Variants in GALNT15 observed in about 807,000 individuals in gnomAD.
GALNT15 encodes the protein polypeptide N-acetylgalactosaminyltransferase 15.
GALNT15 carries 67 observed loss-of-function variants against 66.8 expected under a neutral mutation model. That is an observed-to-expected ratio of 1.00 (90% confidence interval 0.82 to 1.23). The LOEUF (loss-of-function observed/expected upper bound fraction) is 1.23. Ranked by LOEUF, GALNT15 falls within the 50% of genes most tolerant of loss-of-function variation. GALNT15 has a pLI of 0.00. For missense variants in GALNT15, 827 were observed against 804.3 expected, an observed-to-expected ratio of 1.03 and a Z score of -0.34; for synonymous variants, 313 against 311.5, an observed-to-expected ratio of 1.00 and a Z score of -0.05.
At position 16,229,550 on chromosome 3, in the gene GALNT15, C is replaced by A. The variant is rs953918462; in HGVS notation, c.*2050C>A. ...GCTTCAGACCCATCTATATTTAAAA[C>A]AAATTTCCCTAAATCCTGAGACTGA... On this transcript the variant is annotated 3_prime_UTR_variant, in exon 10 of 10. Coordinates refer to ENST00000339732, the MANE Select transcript of GALNT15 (RefSeq NM_054110.5). The A allele has an allele frequency of 3.4e-5, 33 of 984,844 alleles. No homozygotes were observed. Among genetic ancestry groups the A allele is most frequent in the Non-Finnish European group, 3.9e-5 (32 of 829,534 alleles). 61.0% of individuals were successfully genotyped at this position (984,844 alleles called of 1,614,324 possible).
intron 1 of GALNT15, among the ~76,000 whole-genome samples, chr3:16,195,000 A>G (rs774670027): frequency 3.9e-5 from 6 of 152,228 alleles, no homozygotes; most frequent in Non-Finnish European, 7.3e-5. Flanking sequence ...ATTTTAAAAA[A>G]TAGTAAGTGC....
Position 16,183,628 on chromosome 3 carries a change from C to T in GALNT15, c.539+7938C>T, listed in dbSNP as rs35978169. 0.17 allele frequency among the ~76,000 whole-genome samples: 25,745 copies of T among 152,202 alleles called. 2,370 individuals carry two copies. Among genetic ancestry groups the T allele is most frequent in the East Asian group, 0.27 (1,394 of 5,168 alleles). On this transcript the variant is annotated intron_variant, in intron 1 of 9. Coordinates refer to ENST00000339732, the MANE Select transcript of GALNT15 (RefSeq NM_054110.5). The surrounding 1 kb of genome is among the most constrained non-coding windows in gnomAD (Gnocchi z 5.2). ...CTTGGGGTGCACTGGGGGATGCAGA[C>T]AAGCAAACAGGCTGGTACATCAGTG...
At chr3:16,185,807 A>C (rs1469115190) in intron 1 of GALNT15, among the ~76,000 whole-genome samples, 1 of 152,158 alleles carries the variant, frequency 6.6e-6, no homozygotes, top group African/African-American at 2.4e-5. Context: ...GATTATAGCA[A>C]TATACTATCA....
At chr3:16,243,459 T>A in the GALNT15 span, among the ~76,000 whole-genome samples, 1 of 152,214 alleles carries the variant, frequency 6.6e-6, no homozygotes, top group Non-Finnish European at 1.5e-5. Flanking sequence ...AGCACCTCCT[T>A]CCTGTGCAGA....
intron 2 of GALNT15, among the ~76,000 whole-genome samples, chr3:16,197,874 C>G (rs1574978680): frequency 6.6e-6 from 1 of 152,210 alleles, no homozygotes; most frequent in African/African-American, 2.4e-5. Context: ...CTTCAAAACC[C>G]TCTGAGAATG....
At chr3:16,215,882 C>G (rs2063865746) in intron 6 of GALNT15, among the ~76,000 whole-genome samples, 1 of 142,426 alleles carries the variant, frequency 7.0e-6, no homozygotes, top group Admixed American at 7.3e-5. Context: ...TGCACTCCAG[C>G]CTGGCAACAG....
chr3:16,232,693 C>T (rs551071542), downstream of GALNT15, among the ~76,000 whole-genome samples: 87 of 150,824 alleles, frequency 5.8e-4, no homozygotes, highest in African/African-American at 2.0e-3. Flanking sequence ...GTATTTGATC[C>T]GCTGGCTCCA....
intron 9 of GALNT15, among the ~76,000 whole-genome samples, chr3:16,223,189 C>T (rs775043394): frequency 2.6e-5 from 4 of 152,070 alleles, no homozygotes; most frequent in Non-Finnish European, 5.9e-5. Flanking sequence ...ATATAGATAT[C>T]ACTTTCTTCC....
At chr3:16,214,317 G>A (rs2063850133) in intron 6 of GALNT15, among the ~76,000 whole-genome samples, 1 of 152,200 alleles carries the variant, frequency 6.6e-6, no homozygotes, top group South Asian at 2.1e-4. Flanking sequence ...TAGTCTGATG[G>A]TTAAGCCCAT....
intron 1 of GALNT15, among the ~76,000 whole-genome samples, chr3:16,192,169 A>G (rs115760646): frequency 6.6e-6 from 1 of 152,152 alleles, no homozygotes; most frequent in African/African-American, 2.4e-5. Context: ...AGTTCTTTTG[A>G]CCATCTTACT....
In GALNT15 at chr3:16,222,756, G is replaced by T. The variant is rs1559694157; in HGVS notation, c.1771G>T (p.Glu591Ter). ...CCACCAGCAGCACTGGGACTTCCAG[G>T]AGGTGAGTAATCTGTTCAGGAAGAG... is the stretch of plus-strand genomic sequence containing the variant. ...AIHQQHWDFQ[E>*]NGMIVHILSG... Residue 591 changes from glutamate (E) to a stop codon, truncating the protein, a stop_gained and splice_region_variant, in exon 9 of 10, where the codon GAG becomes TAG. Coordinates refer to ENST00000339732, the MANE Select transcript of GALNT15 (RefSeq NM_054110.5). LOFTEE classifies it high-confidence loss of function. 1 of 1,613,980 alleles carries T rather than the reference G, an allele frequency of 6.2e-7. No homozygotes were observed.
Position 16,228,692 on chromosome 3 carries a change from C to T in GALNT15, c.*1192C>T. On this transcript the variant is annotated 3_prime_UTR_variant, in exon 10 of 10. Coordinates refer to ENST00000339732, the MANE Select transcript of GALNT15 (RefSeq NM_054110.5). ...TCCTGATGCCCTGTTACAGGGTTTGCACTGACTGGAGCAGAAACAGCAACC... is the reference window on the plus strand; with the variant it reads ...TCCTGATGCCCTGTTACAGGGTTTGTACTGACTGGAGCAGAAACAGCAACC... 1 of 984,748 alleles carries T rather than the reference C, an allele frequency of 1.0e-6. No homozygotes were observed. Among genetic ancestry groups the T allele is most frequent in the Non-Finnish European group, 1.2e-6 (1 of 829,852 alleles). 61.0% of individuals were successfully genotyped at this position (984,748 alleles called of 1,614,324 possible). A position where few individuals can be genotyped will look rare whatever the true frequency, so the allele number is the denominator to read the frequency against.
the GALNT15 span, among the ~76,000 whole-genome samples, chr3:16,245,518 T>A: frequency 6.6e-6 from 1 of 152,250 alleles, no homozygotes; most frequent in Non-Finnish European, 1.5e-5. Flanking sequence ...TCCTACATCC[T>A]AAACATAATC....
rs1010205423 is a variant in GALNT15, at chr3:16,180,185, A to G, written c.539+4495A>G. ...GTGTGAAGTGGGGCTCAACATTTGC[A>G]TTTCTGCAAACTCCTGGTACTGCTG... On this transcript the variant is annotated intron_variant, in intron 1 of 9. Coordinates refer to ENST00000339732, the MANE Select transcript of GALNT15 (RefSeq NM_054110.5). The surrounding 1 kb of genome is among the most constrained non-coding windows in gnomAD (Gnocchi z 5.0). 2.6e-5 allele frequency among the ~76,000 whole-genome samples: 4 copies of G among 152,162 alleles called. No homozygotes were observed. Among genetic ancestry groups the G allele is most frequent in the African/African-American group, 9.7e-5 (4 of 41,428 alleles).
chr3:16,247,968 G>A, the GALNT15 span, among the ~76,000 whole-genome samples: 9 of 152,182 alleles, frequency 5.9e-5, no homozygotes, highest in Admixed American at 3.3e-4. Context: ...GAACAGCTGC[G>A]GTCATTTGGT....
intron 6 of GALNT15, among the ~76,000 whole-genome samples, chr3:16,218,429 A>G (rs931550223): frequency 1.3e-5 from 2 of 152,172 alleles, no homozygotes; most frequent in South Asian, 2.1e-4. Flanking sequence ...AAGATTTGGT[A>G]CTAAACTTTT....
Position 16,208,518 on chromosome 3 carries a change from T to C in GALNT15, c.927T>C (p.Ser309=). The C allele has an allele frequency of 6.2e-7, 1 of 1,614,074 alleles. No individual in the cohort carries two copies. Among genetic ancestry groups the C allele is most frequent in the Non-Finnish European group, 8.5e-7 (1 of 1,179,988 alleles). The stretch of plus-strand genomic sequence containing the variant: ...TTCTTTCCAGGAGCCGAGTGGTATC[T>C]CCGGTGATAGATGTGATTGACTGGA... ...RIAGDRSRVV[S]PVIDVIDWKT... is the part of the protein sequence containing the mutation. The change falls in exon 4 of 10, where the codon TCT becomes TCC. Residue 309 remains serine, a synonymous_variant. Transcript: ENST00000339732.
At chr3:16,242,537 C>T in the GALNT15 span, among the ~76,000 whole-genome samples, 6 of 152,120 alleles carry the variant, frequency 3.9e-5, no homozygotes, top group African/African-American at 1.4e-4. This position sits in a 1 kb window ranked among gnomAD's most constrained non-coding sequence, Gnocchi z 5.6. Flanking sequence ...GCAGGCAAAT[C>T]TCTTGCGCCC....
Position 16,228,151 on chromosome 3 carries a change from TA to T in GALNT15, c.*653del. ...GATCTAGGAAAAGACATTTTCATGTTAATGAGAATTTCCACCATTGTAGAGA... is the reference window on the plus strand; with the variant it reads ...GATCTAGGAAAAGACATTTTCATGTTATGAGAATTTCCACCATTGTAGAGA... On this transcript the variant is annotated 3_prime_UTR_variant, in exon 10 of 10. Coordinates refer to ENST00000339732, the MANE Select transcript of GALNT15 (RefSeq NM_054110.5). The T allele has an allele frequency of 1.0e-6, 1 of 985,976 alleles. No individual in the cohort carries two copies. Among genetic ancestry groups the T allele is most frequent in the Non-Finnish European group, 1.2e-6 (1 of 830,020 alleles). 61.1% of individuals were successfully genotyped at this position (985,976 alleles called of 1,614,324 possible).
Sources: gnomAD v4.1 joint callset for allele counts (sites outside exome capture counted in the v4.1 genomes callset) on GRCh38, gnomAD v4.1.1 for gene constraint, Gnocchi (gnomAD v3.1) non-coding constraint, MANE v1.5 for transcripts, NCBI Gene and HGNC (gene_info 2026-07-23, HGNC 2026-07-21) for gene names.